Variants in MPDZ observed in about 807,000 individuals in gnomAD.
MPDZ encodes multiple PDZ domain protein.
In MPDZ, 234 loss-of-function variants were observed where a neutral mutation model predicts 239.1. The observed-to-expected ratio is 0.98, with a 90% CI of 0.88 to 1.09. MPDZ has a LOEUF of 1.09. MPDZ is among the 50% of genes least tolerant of loss of function. MPDZ has a pLI of 0.00. For synonymous variants in MPDZ, 1,048 were observed against 881.3 expected, an observed-to-expected ratio of 1.19 and a Z score of -3.35; for missense variants, 3,175 against 2,510.0, an observed-to-expected ratio of 1.26 and a Z score of -5.66.
chr9:13,132,266 T>C (rs747234592), intron 32 of MPDZ, among the ~76,000 whole-genome samples: 3 of 152,110 alleles, frequency 2.0e-5, no homozygotes, highest in African/African-American at 4.8e-5. Context: ...ATCCCAACAA[T>C]AACCCTTAAT....
intron 39 of MPDZ, among the ~76,000 whole-genome samples, chr9:13,115,694 C>T (rs1943294478): frequency 6.6e-6 from 1 of 151,992 alleles, no homozygotes; most frequent in Admixed American, 6.6e-5. Flanking sequence ...GACTGTAATC[C>T]CACCACTTTG....
intron 3 of MPDZ, among the ~76,000 whole-genome samples, chr9:13,242,503 G>A (rs543872012): frequency 1.3e-5 from 2 of 151,588 alleles, no homozygotes; most frequent in South Asian, 2.1e-4. Context: ...CAGCCTGTTA[G>A]GATGATTTTA....
At chr9:13,272,056 A>G (rs1344646279) in intron 1 of MPDZ, among the ~76,000 whole-genome samples, 1 of 152,184 alleles carries the variant, frequency 6.6e-6, no homozygotes, top group Non-Finnish European at 1.5e-5. Context: ...TATGTTCACT[A>G]TCTTGATTGT....
intron 21 of MPDZ, among the ~76,000 whole-genome samples, chr9:13,174,046 C>T (rs1195879854): frequency 6.6e-6 from 1 of 152,186 alleles, no homozygotes; most frequent in East Asian, 1.9e-4. Context: ...TATTTCACAT[C>T]TCTCTGCCTT....
At chr9:13,119,076 T>C (rs1943937517) in intron 39 of MPDZ, among the ~76,000 whole-genome samples, 1 of 152,216 alleles carries the variant, frequency 6.6e-6, no homozygotes, top group Non-Finnish European at 1.5e-5. Context: ...GGAACATAAA[T>C]GATAAAATCT....
At position 13,186,394 on chromosome 9, in the gene MPDZ, G is replaced by GA. The variant is rs776193057; in HGVS notation, c.2365-9dup. 2.2e-5 allele frequency: 34 copies of GA among 1,521,692 alleles called. No individual in the cohort carries two copies. Among genetic ancestry groups the GA allele is most frequent in the African/African-American group, 1.4e-4 (10 of 72,608 alleles). 94.3% of individuals were successfully genotyped at this position (1,521,692 alleles called of 1,614,324 possible). The stretch of plus-strand genomic sequence containing the variant: ...ACCTTCTTCTGGTGAAAGCTGCAGG[G>GA]AAAAAATGGTATTCATGGAAAAGAG... On this transcript the variant is annotated splice_polypyrimidine_tract_variant and intron_variant, in intron 17 of 46. Coordinates refer to ENST00000319217, the MANE Select transcript of MPDZ (RefSeq NM_001378778.1).
chr9:13,177,753 C>A (rs1952692049), intron 19 of MPDZ, among the ~76,000 whole-genome samples: 2 of 152,078 alleles, frequency 1.3e-5, no homozygotes, highest in South Asian at 4.1e-4. Flanking sequence ...AAACACTATG[C>A]CTAATTGGGG....
rs150040183 is a variant in MPDZ, at chr9:13,276,332, C to A, written c.-58+3068G>T. Among the ~76,000 whole-genome samples, 28 of 152,268 alleles carry A rather than the reference C, an allele frequency of 1.8e-4. No homozygotes were observed. In the East Asian group the frequency reaches 2.7e-3, roughly 15 times the overall value. ...TCTTATTCTCCCACATGGAATCCCACTAAAATTATTTAATCACAGTATATC... is the reference window on the plus strand; with the variant it reads ...TCTTATTCTCCCACATGGAATCCCAATAAAATTATTTAATCACAGTATATC... On this transcript the variant is annotated intron_variant, in intron 1 of 46. Coordinates refer to ENST00000319217, the MANE Select transcript of MPDZ (RefSeq NM_001378778.1).
At chr9:13,169,149 G>C (rs1294859083) in intron 21 of MPDZ, among the ~76,000 whole-genome samples, 1 of 152,110 alleles carries the variant, frequency 6.6e-6, no homozygotes, top group Non-Finnish European at 1.5e-5. Context: ...AGTGGTGTGG[G>C]AAAGTATAAC....
At chr9:13,111,506 G>C (rs1258324474) in intron 43 of MPDZ, among the ~76,000 whole-genome samples, 2 of 152,138 alleles carry the variant, frequency 1.3e-5, no homozygotes, top group African/African-American at 4.8e-5. Context: ...TTTTAGAGCT[G>C]GGCAGTTGGC....
intron 21 of MPDZ, among the ~76,000 whole-genome samples, chr9:13,173,215 T>C (rs1370954695): frequency 1.3e-5 from 2 of 152,162 alleles, no homozygotes; most frequent in Non-Finnish European, 2.9e-5. Context: ...TACACAACAA[T>C]GTGAGTGCAC....
intron 21 of MPDZ, among the ~76,000 whole-genome samples, chr9:13,170,906 A>G (rs1951699214): frequency 1.3e-5 from 2 of 152,210 alleles, no homozygotes; most frequent in South Asian, 2.1e-4. Flanking sequence ...TCCACTAACC[A>G]GATTTTGGTT....
chr9:13,184,251 C>A (rs563113344), intron 18 of MPDZ, among the ~76,000 whole-genome samples: 142 of 152,036 alleles, frequency 9.3e-4, no homozygotes, highest in African/African-American at 3.3e-3. Flanking sequence ...TTGCTGTCTT[C>A]TGTCACAGAA....
chr9:13,189,025 A>C, intron 16 of MPDZ, 32 bp from the exon 17 acceptor site: 41 of 1,579,726 alleles, frequency 2.6e-5, no homozygotes, highest in Middle Eastern at 1.7e-4. Context: ...GAGTCAGCTC[A>C]TTTTACAAAG....
intron 3 of MPDZ, among the ~76,000 whole-genome samples, chr9:13,246,431 G>C (rs1966610050): frequency 1.3e-5 from 2 of 152,122 alleles, no homozygotes; most frequent in Admixed American, 1.3e-4. Flanking sequence ...GGCAGAATGA[G>C]ACTCTGTCTC....
At chr9:13,112,946 G>A (rs1942738369) in intron 42 of MPDZ, 65 bp downstream of exon 42, 4 of 1,413,464 alleles carry the variant, frequency 2.8e-6, no homozygotes, top group Admixed American at 2.1e-5. Context: ...AAGTTAACAA[G>A]AAAACACATA....
At chr9:13,169,536 C>G (rs1279698130) in intron 21 of MPDZ, among the ~76,000 whole-genome samples, 1 of 152,124 alleles carries the variant, frequency 6.6e-6, no homozygotes, top group Non-Finnish European at 1.5e-5. Flanking sequence ...TAACTCCAGA[C>G]TAAGGCAACA....
rs1563931167 is a variant in MPDZ at position 13,160,866 on chromosome 9, AT to A, written c.3359+1824del. Among the ~76,000 whole-genome samples, 134 of 129,494 alleles carry A rather than the reference AT, an allele frequency of 1.0e-3. 1 individual carries two copies. Among genetic ancestry groups the A allele is most frequent in the Middle Eastern group, 3.8e-3 (1 of 266 alleles). 85.0% of individuals were successfully genotyped at this position (129,494 alleles called of 152,430 possible). On this transcript the variant is annotated intron_variant, in intron 23 of 46. Coordinates refer to ENST00000319217, the MANE Select transcript of MPDZ (RefSeq NM_001378778.1). Reference sequence around the variant, plus strand: ...TATATATATATATATATATATATATATATAAAACAGGTACTTACATAGCTTT... The same window carrying A: ...TATATATATATATATATATATATATAATAAAACAGGTACTTACATAGCTTT...
At chr9:13,278,899 G>A (rs1367730544) in intron 1 of MPDZ, 5 of 152,222 alleles carry the variant, frequency 3.3e-5, no homozygotes, top group Non-Finnish European at 7.3e-5. Context: ...CCCCTGCAGG[G>A]GAGAGCAACA....
Sources: gnomAD v4.1 joint callset for allele counts (sites outside exome capture counted in the v4.1 genomes callset) on GRCh38, gnomAD v4.1.1 for gene constraint, MANE v1.5 for transcripts, NCBI Gene and HGNC (gene_info 2026-07-23, HGNC 2026-07-21) for gene names.